PLPPR1: variants seen among roughly 807,000 people sequenced by gnomAD.
PLPPR1 encodes the protein phospholipid phosphatase related 1.
PLPPR1 carries 10 observed loss-of-function variants against 33.1 expected under a neutral mutation model. That is an observed-to-expected ratio of 0.30 (90% CI 0.19 to 0.51). The LOEUF is 0.51. PLPPR1 is among the 20% of genes least tolerant of loss of function. The pLI is 0.97. For synonymous variants in PLPPR1, 151 were observed against 151.0 expected (o/e 1.00, Z 0.00); for missense variants, 304 against 408.1 (o/e 0.74, Z 2.20).
intron 4 of PLPPR1, among the ~76,000 whole-genome samples, chr9:101,296,192 G>GA (rs1389715794): frequency 1.3e-5 from 2 of 151,746 alleles, no homozygotes; most frequent in African/African-American, 4.8e-5. Flanking sequence ...AAAAACACAT[G>GA]AAAAAATGCT....
chr9:101,050,298 A>C (rs568626961), intron 1 of PLPPR1, among the ~76,000 whole-genome samples: 5 of 152,204 alleles, frequency 3.3e-5, no homozygotes, highest in South Asian at 2.1e-4. Flanking sequence ...TGGAAAAAAA[A>C]CAAAAAGATG....
At chr9:101,088,849 C>T (rs754521963) in intron 1 of PLPPR1, among the ~76,000 whole-genome samples, 9 of 152,110 alleles carry the variant, frequency 5.9e-5, no homozygotes, top group Non-Finnish European at 1.3e-4. Flanking sequence ...CTAAAAATCT[C>T]CTTTATAATG....
chr9:101,069,771 A>G (rs540653682), intron 1 of PLPPR1, among the ~76,000 whole-genome samples: 1 of 152,198 alleles, frequency 6.6e-6, no homozygotes, highest in South Asian at 2.1e-4. Flanking sequence ...TCATCTGGAA[A>G]TTTGTCAGAA....
chr9:101,137,661 C>A (rs1042654486), intron 1 of PLPPR1, among the ~76,000 whole-genome samples: 1 of 152,054 alleles, frequency 6.6e-6, no homozygotes, highest in Non-Finnish European at 1.5e-5. Context: ...GTGAACTGCT[C>A]AAGAATATCC....
At chr9:101,076,992 A>G (rs958231777) in intron 1 of PLPPR1, among the ~76,000 whole-genome samples, 18 of 152,192 alleles carry the variant, frequency 1.2e-4, no homozygotes, top group Admixed American at 4.6e-4. Flanking sequence ...CAACTATCAC[A>G]GGTAGACCTG....
At chr9:101,306,526 A>G (rs1828862128) in intron 4 of PLPPR1, among the ~76,000 whole-genome samples, 1 of 152,196 alleles carries the variant, frequency 6.6e-6, no homozygotes, top group East Asian at 1.9e-4. Flanking sequence ...CAGCCACAGC[A>G]ATCACAACAA....
chr9:101,243,432 C>A (rs145785523), intron 2 of PLPPR1, among the ~76,000 whole-genome samples: 76 of 151,990 alleles, frequency 5.0e-4, no homozygotes, highest in Middle Eastern at 3.4e-3. Context: ...TGAAGAGGAA[C>A]AGTTTTGAGT....
intron 7 of PLPPR1, among the ~76,000 whole-genome samples, chr9:101,320,683 A>C (rs925129711): frequency 6.6e-6 from 1 of 152,234 alleles, no homozygotes; most frequent in Non-Finnish European, 1.5e-5. Flanking sequence ...AAATGTTTCC[A>C]CATGGATAGT....
At chr9:101,047,146 A>C (rs771739249) in intron 1 of PLPPR1, among the ~76,000 whole-genome samples, 1 of 152,194 alleles carries the variant, frequency 6.6e-6, no homozygotes, top group Non-Finnish European at 1.5e-5. Flanking sequence ...TTTCTTCCCC[A>C]GCAGAATGAT....
At chr9:101,322,636 C>G (rs1829177788) in intron 7 of PLPPR1, 1 of 152,102 alleles carries the variant, frequency 6.6e-6, no homozygotes, top group Non-Finnish European at 1.5e-5. Flanking sequence ...TAAATATCCA[C>G]CCTCACCTAG....
At chr9:101,297,956 A>G (rs1287519220) in intron 4 of PLPPR1, among the ~76,000 whole-genome samples, 3 of 152,232 alleles carry the variant, frequency 2.0e-5, no homozygotes, top group Non-Finnish European at 4.4e-5. Flanking sequence ...TGTGAAGTTC[A>G]GTTCAGTTCT....
At chr9:101,192,094 A>G (rs1281264027) in intron 2 of PLPPR1, among the ~76,000 whole-genome samples, 7 of 152,308 alleles carry the variant, frequency 4.6e-5, no homozygotes, top group African/African-American at 1.7e-4. Flanking sequence ...AAAGAATTCC[A>G]TATCATCACT....
chr9:101,267,284 A>C (rs1375439713), intron 2 of PLPPR1, among the ~76,000 whole-genome samples: 1 of 152,268 alleles, frequency 6.6e-6, no homozygotes, highest in Non-Finnish European at 1.5e-5. Flanking sequence ...AGCTGCAATC[A>C]GGAGCACCTA....
chr9:101,062,423 A>G (rs1393743243), intron 1 of PLPPR1, among the ~76,000 whole-genome samples: 3 of 152,076 alleles, frequency 2.0e-5, no homozygotes, highest in Non-Finnish European at 4.4e-5. Flanking sequence ...ACAGGCTAAT[A>G]TTCCTTTAAT....
intron 1 of PLPPR1, among the ~76,000 whole-genome samples, chr9:101,070,842 A>C (rs763648286): frequency 1.8e-4 from 27 of 152,134 alleles, no homozygotes; most frequent in Non-Finnish European, 3.4e-4. Flanking sequence ...TTTGTTCTGC[A>C]TTGTATCCTC....
chr9:101,264,128 C>A (rs1442505098), intron 2 of PLPPR1, among the ~76,000 whole-genome samples: 1 of 152,114 alleles, frequency 6.6e-6, no homozygotes, highest in Non-Finnish European at 1.5e-5. Flanking sequence ...TTGTGTGCAA[C>A]TATTGACATT....
chr9:101,185,774 A>G (rs1032530555), intron 2 of PLPPR1, among the ~76,000 whole-genome samples: 1 of 151,830 alleles, frequency 6.6e-6, no homozygotes, highest in Non-Finnish European at 1.5e-5. Flanking sequence ...TATATAATAT[A>G]TCCAAATTAA....
intron 1 of PLPPR1, among the ~76,000 whole-genome samples, chr9:101,182,469 AGC>A (rs1826132011): frequency 6.6e-6 from 1 of 151,824 alleles, no homozygotes; most frequent in African/African-American, 2.4e-5. Flanking sequence ...TAAAAATCAA[AGC>A]ACCACATTAT....
At chr9:101,181,915 G>A (rs1826121614) in intron 1 of PLPPR1, among the ~76,000 whole-genome samples, 1 of 149,348 alleles carries the variant, frequency 6.7e-6, no homozygotes, top group African/African-American at 2.5e-5. Flanking sequence ...TATATATAGT[G>A]TGTATGTGTA....
Sources: gnomAD v4.1 joint callset for allele counts (sites outside exome capture counted in the v4.1 genomes callset) on GRCh38, gnomAD v4.1.1 for gene constraint, MANE v1.5 for transcripts, NCBI Gene and HGNC (gene_info 2026-07-23, HGNC 2026-07-21) for gene names.